The following CBLN2 variants were observed in gnomAD, a reference collection of about 807,000 sequenced individuals.
CBLN2 encodes the protein cerebellin 2 precursor.
CBLN2 carries 7 observed loss-of-function variants against 15.0 expected under a neutral mutation model. That is an observed-to-expected ratio of 0.47 (90% confidence interval 0.27 to 0.88). The LOEUF is 0.88. Among genes scored for constraint, CBLN2 ranks in the 40% least tolerant of loss-of-function variants. The pLI is 0.14. For synonymous variants in CBLN2, 149 were observed against 135.2 expected (o/e 1.10, Z -0.71); for missense variants, 242 against 304.5 (o/e 0.79, Z 1.53).
chr18:72,619,089 AAG>A (rs1379119474), intron 1 of CBLN2: 1 of 747,642 alleles, frequency 1.3e-6, no homozygotes, highest in African/African-American at 1.7e-5. Flanking sequence ...TGGACCCATG[AAG>A]AGAGTAAATT....
intron 1 of CBLN2, among the ~76,000 whole-genome samples, chr18:72,612,489 T>C (rs965430284): frequency 2.0e-5 from 3 of 147,248 alleles, no homozygotes; most frequent in Non-Finnish European, 4.4e-5. Context: ...CTTTGCAGAA[T>C]GGCCCCCTTA....
upstream of CBLN2, among the ~76,000 whole-genome samples, chr18:72,546,485 C>G (rs1040599481): frequency 1.3e-5 from 2 of 151,856 alleles, no homozygotes; most frequent in Non-Finnish European, 2.9e-5. Flanking sequence ...GGAATTTTAG[C>G]TTGTAAATAT....
chr18:72,626,056 C>G (rs2069737370), intron 1 of CBLN2, among the ~76,000 whole-genome samples: 2 of 151,804 alleles, frequency 1.3e-5, no homozygotes, highest in East Asian at 3.9e-4. Context: ...AGAGCAACGT[C>G]TCCATAACAG....
chr18:72,596,310 A>C (rs1216384193), intron 1 of CBLN2, among the ~76,000 whole-genome samples: 5 of 152,198 alleles, frequency 3.3e-5, no homozygotes, highest in Non-Finnish European at 7.4e-5. Context: ...ATTAATAAAA[A>C]ATTAATAAAA....
In CBLN2 at chr18:72,576,123, A is replaced by G. The variant is rs565224472; in HGVS notation, c.16-37351T>C. On this transcript the variant is annotated intron_variant, in intron 1 of 2. Coordinates refer to the CBLN2 transcript ENST00000581073. The stretch of plus-strand genomic sequence containing the variant: ...AACTAACATTAAACTAAAACTCCGC[A>G]GTTTGCACATTTACAACGGCAGGTA... 5.6e-4 allele frequency among the ~76,000 whole-genome samples: 85 copies of G among 152,334 alleles called. 1 individual carries two copies. Among genetic ancestry groups the G allele is most frequent in the African/African-American group, 1.8e-3 (74 of 41,578 alleles).
intron 1 of CBLN2, among the ~76,000 whole-genome samples, chr18:72,597,431 C>T (rs994423795): frequency 2.0e-5 from 3 of 152,214 alleles, no homozygotes; most frequent in Admixed American, 6.5e-5. Context: ...TGGAGCTGAG[C>T]TCGGGATGGC....
At position 72,540,618 on chromosome 18, in the gene CBLN2, A is replaced by G. The variant is rs141190457; in HGVS notation, c.357+1186T>C. The stretch of plus-strand genomic sequence containing the variant: ...GCTGTCTCATTTGGACATAATCAAA[A>G]TAAATAATTTTACATTTTGTAAATA... On this transcript the variant is annotated intron_variant, in intron 3 of 4. Coordinates refer to ENST00000269503, the MANE Select transcript of CBLN2 (RefSeq NM_182511.4). 4.5e-4 allele frequency among the ~76,000 whole-genome samples: 69 copies of G among 152,348 alleles called. No individual in the cohort carries two copies. In the East Asian group the frequency reaches 0.013, roughly 29 times the overall value.
chr18:72,597,510 G>A (rs957374801), intron 1 of CBLN2, among the ~76,000 whole-genome samples: 1 of 152,136 alleles, frequency 6.6e-6, no homozygotes, highest in Non-Finnish European at 1.5e-5. Flanking sequence ...ATAGTACAAG[G>A]CCTTGTCCAA....
intron 1 of CBLN2, among the ~76,000 whole-genome samples, chr18:72,591,033 C>T (rs914635001): frequency 2.0e-5 from 3 of 152,038 alleles, no homozygotes; most frequent in Non-Finnish European, 4.4e-5. Flanking sequence ...TATATTCAGC[C>T]CATCTCTAGC....
intron 1 of CBLN2, among the ~76,000 whole-genome samples, chr18:72,565,718 G>T (rs929017622): frequency 6.6e-6 from 1 of 152,080 alleles, no homozygotes; most frequent in East Asian, 1.9e-4. Flanking sequence ...AACAAAAGAG[G>T]ATGAGAGGTT....
At chr18:72,554,332 C>T (rs1372404404) in intron 1 of CBLN2, among the ~76,000 whole-genome samples, 1 of 151,764 alleles carries the variant, frequency 6.6e-6, no homozygotes, top group Non-Finnish European at 1.5e-5. Flanking sequence ...TTTTCTTTAA[C>T]CGGCCTTTTA....
upstream of CBLN2, among the ~76,000 whole-genome samples, chr18:72,547,110 TCACACACACACACACA>T (rs36204454): frequency 0.06 from 8,868 of 148,680 alleles, 889 homozygotes; most frequent in East Asian, 0.52. Context: ...AAAGAAAGTG[TCACACACACACACACA>T]CACACACACA....
chr18:72,566,358 T>A (rs2069295038), intron 1 of CBLN2, among the ~76,000 whole-genome samples: 1 of 152,238 alleles, frequency 6.6e-6, no homozygotes, highest in African/African-American at 2.4e-5. Context: ...CAGAGACATT[T>A]GCACTCTCAT....
rs2145037447 is a variant in CBLN2 at position 72,537,330 on chromosome 18, T to C, written c.*846A>G. On this transcript the variant is annotated 3_prime_UTR_variant, in exon 5 of 5. Coordinates refer to ENST00000269503, the MANE Select transcript of CBLN2 (RefSeq NM_182511.4). ...TGAGAGAATAAGCAGAATTGTCCATTGTGTTACTTTTACTTTGATAAACAG... is the reference window on the plus strand; with the variant it reads ...TGAGAGAATAAGCAGAATTGTCCATCGTGTTACTTTTACTTTGATAAACAG... 1 of 152,332 alleles carries C rather than the reference T, an allele frequency of 6.6e-6. No individual in the cohort carries two copies. Among genetic ancestry groups the C allele is most frequent in the Middle Eastern group, 3.4e-3 (1 of 294 alleles). 9.4% of individuals were successfully genotyped at this position (152,332 alleles called of 1,614,324 possible). A position where few individuals can be genotyped will look rare whatever the true frequency, so the allele number is the denominator to read the frequency against.
At chr18:72,618,978 T>C in intron 1 of CBLN2, 2 of 756,620 alleles carry the variant, frequency 2.6e-6, no homozygotes, top group South Asian at 2.7e-5. Context: ...GTGGATATGG[T>C]GGCAGCGGGG....
At chr18:72,568,393 A>G (rs2069310320) in intron 1 of CBLN2, among the ~76,000 whole-genome samples, 3 of 152,188 alleles carry the variant, frequency 2.0e-5, no homozygotes, top group African/African-American at 7.2e-5. Flanking sequence ...ACATCTCTCA[A>G]CTGTGCTTGC....
rs1277149971 is a variant in CBLN2 at position 72,637,013 on chromosome 18, T to G, written c.15+1312A>C. On this transcript the variant is annotated intron_variant, in intron 1 of 2. Transcript: ENST00000581073. ...CCATTTAGGCAAGTAATCATGATCA[T>G]AATCAGTGTTTATTAAAAACAAAAC... is the stretch of plus-strand genomic sequence containing the variant. Among the ~76,000 whole-genome samples the G allele has an allele frequency of 2.1e-5, 3 of 145,004 alleles. No individual in the cohort carries two copies. In the Admixed American group the frequency reaches 2.1e-4, roughly 10 times the overall value.
rs1464258854 is a variant in CBLN2, at chr18:72,543,092, C to T, written c.-167+394G>A. ...CGGAATCCCAGGCTTGGGTTATTCT[C>T]CAGCTCTGGTTTCCAGACCACGGGG... On this transcript the variant is annotated intron_variant, in intron 2 of 4. Transcript: ENST00000269503. This position sits in a 1 kb window ranked among gnomAD's most constrained non-coding sequence, Gnocchi z 6.8. 1.7e-5 allele frequency: 3 copies of T among 172,020 alleles called. No individual in the cohort carries two copies. The highest frequency in any genetic ancestry group is 2.0e-4 in the South Asian group (1 of 5,010). 10.7% of individuals were successfully genotyped at this position (172,020 alleles called of 1,614,324 possible).
intron 1 of CBLN2, among the ~76,000 whole-genome samples, chr18:72,631,926 A>G (rs8092321): frequency 0.65 from 98,115 of 151,514 alleles, 31,937 homozygotes; most frequent in East Asian, 0.71. Flanking sequence ...TCATCTGATC[A>G]ACGATTTTGA....
Sources: allele counts gnomAD v4.1 joint callset (sites outside exome capture counted in the v4.1 genomes callset), GRCh38; gene constraint gnomAD v4.1.1; non-coding constraint Gnocchi (gnomAD v3.1); transcripts MANE v1.5; gene names NCBI Gene and HGNC (gene_info 2026-07-23, HGNC 2026-07-21).